The following FOXP2 variants were observed in gnomAD, a reference collection of about 807,000 sequenced individuals.
FOXP2 encodes the protein forkhead box protein P2.
FOXP2 carries 12 observed loss-of-function variants against 115.8 expected under a neutral mutation model. The ratio of observed to expected loss-of-function variants is 0.10; its 90% CI spans 0.07 to 0.17. FOXP2 has a LOEUF of 0.17. Among genes scored for constraint, FOXP2 ranks in the 10% least tolerant of loss-of-function variants. FOXP2 has a pLI of 1.00. For synonymous variants in FOXP2, 328 were observed against 297.7 expected (o/e 1.10, Z -1.05); for missense variants, 629 against 843.5 (o/e 0.75, Z 3.15).
intron 6 of FOXP2, among the ~76,000 whole-genome samples, chr7:114,639,277 A>T (rs1805396378): frequency 6.6e-6 from 1 of 152,214 alleles, no homozygotes; most frequent in African/African-American, 2.4e-5. Flanking sequence ...ATGCCCTTTA[A>T]GAGTCACAAA....
chr7:114,573,945 T>C (rs1801445084), intron 3 of FOXP2, among the ~76,000 whole-genome samples: 1 of 151,772 alleles, frequency 6.6e-6, no homozygotes, highest in South Asian at 2.1e-4. Context: ...ATCAATTTAC[T>C]AGCAAAACGT....
chr7:114,689,931 T>C lies in FOXP2; in HGVS notation c.*5T>C, dbSNP rs1418582897. ...TTATCTGAAGATCTGGAATGAGAAC[T>C]GACTTGTGAAACCTCAGCGTGAAGG... On this transcript the variant is annotated 3_prime_UTR_variant, in exon 17 of 17. Transcript: ENST00000350908. 6.8e-6 allele frequency: 11 copies of C among 1,612,834 alleles called. No individual in the cohort carries two copies. In the East Asian group the frequency reaches 1.3e-4, roughly 20 times the overall value.
At chr7:114,585,469 C>G (rs978469310) in intron 3 of FOXP2, among the ~76,000 whole-genome samples, 2 of 151,908 alleles carry the variant, frequency 1.3e-5, no homozygotes, top group Admixed American at 1.3e-4. Context: ...TCAGTGGGGC[C>G]CCACCACACA....
At chr7:114,288,796 C>T (rs1255533013) in intron 2 of FOXP2, among the ~76,000 whole-genome samples, 1 of 151,664 alleles carries the variant, frequency 6.6e-6, no homozygotes, top group Non-Finnish European at 1.5e-5. Flanking sequence ...TCATGAGTAT[C>T]CAAATTTAGA....
intron 3 of FOXP2, among the ~76,000 whole-genome samples, chr7:114,602,942 CT>C (rs1426920052): frequency 2.6e-5 from 4 of 152,100 alleles, no homozygotes; most frequent in Non-Finnish European, 5.9e-5. Flanking sequence ...TTCAGGGTTA[CT>C]TTTACAGCCT....
At chr7:114,430,848 A>ACTAGGTGTTT (rs2129207159) in intron 2 of FOXP2, among the ~76,000 whole-genome samples, 1 of 152,034 alleles carries the variant, frequency 6.6e-6, no homozygotes, top group Admixed American at 6.6e-5. Flanking sequence ...CTACCAAAAT[A>ACTAGGTGTTT]CTAGGTGTTT....
At chr7:114,664,565 C>G in intron 16 of FOXP2, 129 bp downstream of exon 16, 1 of 1,095,022 alleles carries the variant, frequency 9.1e-7, no homozygotes, top group Non-Finnish European at 1.3e-6. Context: ...TTAAATTATA[C>G]CACGTTCATA....
chr7:114,562,709 C>T (rs76510394), intron 3 of FOXP2, among the ~76,000 whole-genome samples: 4,037 of 152,194 alleles, frequency 0.027, 224 homozygotes, highest in East Asian at 0.23. Flanking sequence ...AAAACAAAAA[C>T]CAATTAAACA....
At chr7:114,191,525 A>G (rs1235058765) in intron 1 of FOXP2, among the ~76,000 whole-genome samples, 1 of 152,226 alleles carries the variant, frequency 6.6e-6, no homozygotes, top group Non-Finnish European at 1.5e-5. Flanking sequence ...TAGCGGGCAT[A>G]TGGTATCAGT....
At chr7:114,644,045 G>A (rs1805733177) in intron 7 of FOXP2, among the ~76,000 whole-genome samples, 1 of 152,130 alleles carries the variant, frequency 6.6e-6, no homozygotes, top group African/African-American at 2.4e-5. Context: ...GCTCCTGAAT[G>A]CTTTCATGCT....
rs766736113 is a variant in FOXP2, at chr7:114,690,412, G to A, written c.*486G>A. 4.4e-6 allele frequency: 2 copies of A among 453,792 alleles called. No individual in the cohort carries two copies. The highest frequency in any genetic ancestry group is 4.4e-6 in the Non-Finnish European group (1 of 226,734). The allele number at this position is 453,792 out of a possible 1,614,324, so 28.1% of individuals were successfully genotyped here. A position where few individuals can be genotyped will look rare whatever the true frequency, so the allele number is the denominator to read the frequency against. ...AACTTGTTGCTATTGTTTTTAATTT[G>A]CACAGGAGTAGTATCAGAAATTAGT... On this transcript the variant is annotated 3_prime_UTR_variant, in exon 17 of 17. Coordinates refer to ENST00000350908, the MANE Select transcript of FOXP2 (RefSeq NM_014491.4).
intron 9 of FOXP2, among the ~76,000 whole-genome samples, chr7:114,652,921 A>G (rs1239490300): frequency 6.6e-6 from 1 of 152,132 alleles, no homozygotes; most frequent in African/African-American, 2.4e-5. Flanking sequence ...CCAGAAGTAA[A>G]TAGAATCCAT....
intron 2 of FOXP2, among the ~76,000 whole-genome samples, chr7:114,389,831 C>T (rs528271260): frequency 6.6e-6 from 1 of 151,986 alleles, no homozygotes; most frequent in East Asian, 1.9e-4. Flanking sequence ...GGAGACTAGC[C>T]TGGCCAACAT....
chr7:114,154,646 A>G (rs1792614036), intron 1 of FOXP2, among the ~76,000 whole-genome samples: 1 of 152,120 alleles, frequency 6.6e-6, no homozygotes, highest in Admixed American at 6.6e-5. Flanking sequence ...TACAAAGAAT[A>G]TTGGTATGTT....
intron 2 of FOXP2, among the ~76,000 whole-genome samples, chr7:114,478,606 T>C (rs1026421705): frequency 6.6e-5 from 10 of 151,854 alleles, no homozygotes; most frequent in African/African-American, 2.4e-4. Flanking sequence ...ATGTGCTCTA[T>C]GCTGCTAGTT....
intron 2 of FOXP2, among the ~76,000 whole-genome samples, chr7:114,496,960 A>G (rs1328221543): frequency 1.3e-5 from 2 of 152,184 alleles, no homozygotes. Context: ...CACTCAAGTT[A>G]CACATGTTCA....
intron 1 of FOXP2, among the ~76,000 whole-genome samples, chr7:114,088,960 T>G (rs1799486316): frequency 6.6e-6 from 1 of 152,196 alleles, no homozygotes; most frequent in Non-Finnish European, 1.5e-5. Flanking sequence ...TTTATTTGTA[T>G]CTATATTAAA....
intron 3 of FOXP2, among the ~76,000 whole-genome samples, chr7:114,601,991 A>G (rs1323307290): frequency 2.0e-5 from 3 of 152,096 alleles, no homozygotes; most frequent in Admixed American, 6.6e-5. Context: ...ATGTGTGTGT[A>G]ACAATTAGAT....
chr7:114,185,645 G>C (rs1407066692), intron 1 of FOXP2, among the ~76,000 whole-genome samples: 1 of 152,094 alleles, frequency 6.6e-6, no homozygotes, highest in African/African-American at 2.4e-5. Flanking sequence ...CTTTTTAAAA[G>C]TCATCCACAC....
Sources: allele counts gnomAD v4.1 joint callset (sites outside exome capture counted in the v4.1 genomes callset), GRCh38; gene constraint gnomAD v4.1.1; transcripts MANE v1.5; gene names NCBI Gene and HGNC (gene_info 2026-07-23, HGNC 2026-07-21).